The following SLC5A5 variants were observed in gnomAD, a reference collection of about 807,000 sequenced individuals.
SLC5A5 encodes the protein solute carrier family 5 member 5.
A neutral mutation model predicts 68.6 loss-of-function variants in SLC5A5; 56 were observed. The observed-to-expected ratio is 0.82, with a 90% CI of 0.66 to 1.02. SLC5A5 has a LOEUF of 1.02. SLC5A5 is among the 50% of genes least tolerant of loss of function. The pLI, the probability that SLC5A5 is intolerant of heterozygous loss-of-function variation, is 0.00. For synonymous variants in SLC5A5, 398 were observed against 373.0 expected (o/e 1.07, Z -0.77); for missense variants, 807 against 859.8 (o/e 0.94, Z 0.77).
intron 5 of SLC5A5, among the ~76,000 whole-genome samples, chr19:17,876,728 G>A (rs1038632132): frequency 1.3e-5 from 2 of 152,160 alleles, no homozygotes; most frequent in African/African-American, 4.8e-5. Context: ...TGGGCATGCT[G>A]GCAGGCGCCT....
intron 2 of SLC5A5, 71 bp from the exon 3 acceptor site, chr19:17,874,423 C>T (rs1338671630): frequency 6.9e-7 from 1 of 1,453,984 alleles, no homozygotes; most frequent in Admixed American, 1.7e-5. Context: ...GACCACCCTT[C>T]TGCCTCCTCT....
rs148592461 is a variant in SLC5A5 at position 17,894,154 on chromosome 19, T to C, written c.*277T>C. ...GTTTTTCTCTCTCTCTTTTTTTTTT[T>C]TTTTTTTTTTTGAGACAGGGTCATG... On this transcript the variant is annotated 3_prime_UTR_variant, in exon 15 of 15. Coordinates refer to ENST00000222248, the MANE Select transcript of SLC5A5 (RefSeq NM_000453.3). 71 of 336,468 alleles carry C rather than the reference T, an allele frequency of 2.1e-4. No homozygotes were observed. The highest frequency in any genetic ancestry group is 9.4e-4 in the Middle Eastern group (1 of 1,062). 20.8% of individuals were successfully genotyped at this position (336,468 alleles called of 1,614,324 possible).
intron 5 of SLC5A5, among the ~76,000 whole-genome samples, chr19:17,877,032 TAA>T (rs960991825): frequency 6.3e-5 from 9 of 142,016 alleles, no homozygotes; most frequent in South Asian, 2.2e-4. Flanking sequence ...ACTCCATCTT[TAA>T]AAAAAAAAAA....
chr19:17,884,017 C>G lies in SLC5A5; in HGVS notation c.1497C>G (p.Leu499=), dbSNP rs935186193. 2.5e-6 allele frequency: 4 copies of G among 1,572,642 alleles called. No homozygotes were observed. The highest frequency in any genetic ancestry group is 2.6e-6 in the Non-Finnish European group (3 of 1,161,278). The part of the protein sequence containing the change: ...NASGLLDPAL[L]PANDSSRAPS... Reference sequence around the variant, plus strand: ...CTGGCCTCCTGGACCCGGCTCTCCTCCCTGCTAACGACTCCAGCAGGGCCC... The same window carrying G: ...CTGGCCTCCTGGACCCGGCTCTCCTGCCTGCTAACGACTCCAGCAGGGCCC... The change falls in exon 12 of 15, where the codon CTC becomes CTG. Residue 499 remains leucine, a synonymous_variant. Coordinates refer to ENST00000222248, the MANE Select transcript of SLC5A5 (RefSeq NM_000453.3).
chr19:17,890,999 A>G lies in SLC5A5; in HGVS notation c.1765A>G (p.Lys589Glu). 1 of 1,602,552 alleles carries G rather than the reference A, an allele frequency of 6.2e-7. No homozygotes were observed. Among genetic ancestry groups the G allele is most frequent in the Non-Finnish European group, 8.6e-7 (1 of 1,169,398 alleles). Residue 589 changes from lysine to glutamate, a missense_variant and splice_region_variant, in exon 14 of 15, where the codon AAG becomes GAG. By Grantham distance (56) the Lys-to-Glu change is moderately conservative. Coordinates refer to ENST00000222248, the MANE Select transcript of SLC5A5 (RefSeq NM_000453.3). ...EVAILDDNLV[K>E]GPEELPTGNK... is the part of the protein sequence containing the mutation. ...GGCCATCCTGGATGACAACTTGGTCAAGGTCAGTCTTAGGCTGGGTTCCCA... is the reference window on the plus strand; with the variant it reads ...GGCCATCCTGGATGACAACTTGGTCGAGGTCAGTCTTAGGCTGGGTTCCCA...
At chr19:17,890,134 G>A (rs1197344133) in intron 13 of SLC5A5, among the ~76,000 whole-genome samples, 2 of 151,916 alleles carry the variant, frequency 1.3e-5, no homozygotes, top group Non-Finnish European at 2.9e-5. Flanking sequence ...GCAATGGTGC[G>A]ATGTTGGCTC....
intron 5 of SLC5A5, among the ~76,000 whole-genome samples, chr19:17,876,866 T>G (rs1021412078): frequency 8.8e-6 from 1 of 114,054 alleles, no homozygotes; most frequent in African/African-American, 3.3e-5. Context: ...GTCCCCCCCC[T>G]AAAAAAAAAA....
chr19:17,880,181 A>G (rs2094317321), intron 7 of SLC5A5, among the ~76,000 whole-genome samples: 1 of 149,300 alleles, frequency 6.7e-6, no homozygotes, highest in African/African-American at 2.5e-5. Flanking sequence ...GATTACAGGC[A>G]TGAGCCACTG....
At position 17,872,034 on chromosome 19, in the gene SLC5A5, G is replaced by A. The variant is rs2094295290; in HGVS notation, c.-286G>A. The A allele has an allele frequency of 1.2e-5, 6 of 481,174 alleles. No individual in the cohort carries two copies. The highest frequency in any genetic ancestry group is 7.4e-5 in the Admixed American group (2 of 27,094). 29.8% of individuals were successfully genotyped at this position (481,174 alleles called of 1,614,324 possible). A position where few individuals can be genotyped will look rare whatever the true frequency, so the allele number is the denominator to read the frequency against. On this transcript the variant is annotated 5_prime_UTR_variant, in exon 1 of 15. Coordinates refer to ENST00000222248, the MANE Select transcript of SLC5A5 (RefSeq NM_000453.3). ...CAGACAGCCGGCTGCATGGGACAGC[G>A]GAACCCAGAGTGAGAGGGGAGGTGG...
chr19:17,890,413 A>C (rs868599076), intron 13 of SLC5A5, among the ~76,000 whole-genome samples: 17 of 149,922 alleles, frequency 1.1e-4, no homozygotes, highest in South Asian at 4.2e-4. Context: ...TTGTTTTAGA[A>C]ACAGGGTCTC....
intron 14 of SLC5A5, 121 bp from the exon 15 acceptor site, chr19:17,893,592 T>A: frequency 4.2e-6 from 4 of 956,164 alleles, no homozygotes; most frequent in Non-Finnish European, 6.6e-6. Context: ...GGGGATAGTA[T>A]GCAATTCTGT....
intron 7 of SLC5A5, among the ~76,000 whole-genome samples, chr19:17,878,981 A>C (rs917413240): frequency 3.4e-5 from 5 of 149,150 alleles, no homozygotes; most frequent in Admixed American, 1.3e-4. Context: ...TCTCAAAAAA[A>C]AAAAAAACAA....
chr19:17,885,241 G>T (rs1400864051), intron 12 of SLC5A5, among the ~76,000 whole-genome samples: 1 of 151,540 alleles, frequency 6.6e-6, no homozygotes, highest in Non-Finnish European at 1.5e-5. Flanking sequence ...GAATTCCTGG[G>T]CTCAAGCGAT....
chr19:17,881,935 A>AC (rs1201280541), intron 8 of SLC5A5, 25 bp from the exon 9 acceptor site: 4 of 1,573,590 alleles, frequency 2.5e-6, no homozygotes, highest in East Asian at 2.2e-5. Flanking sequence ...TGGCCTGAGG[A>AC]CCCCCCGCTG....
intron 12 of SLC5A5, among the ~76,000 whole-genome samples, chr19:17,886,179 GAGTGAGACTCCACCAAA>G (rs2029911725): frequency 6.7e-6 from 1 of 149,756 alleles, no homozygotes; most frequent in Admixed American, 6.8e-5. Flanking sequence ...CTGGGTAACA[GAGTGAGACTCCACCAAA>G]AACAAACAAA....
In SLC5A5 at chr19:17,877,827, G is replaced by A. The variant is rs527624357; in HGVS notation, c.803G>A (p.Arg268His). The change falls in exon 6 of 15, where the codon CGC becomes CAC. Residue 268 changes from arginine (R) to histidine (H), a missense_variant. Physicochemically the swap from Arg to His is conservative, Grantham distance 29. Transcript: ENST00000222248. ...MYGVNQAQVQ[R>H]YVACRTEKQA... Reference sequence around the variant, plus strand: ...GGCGTGAACCAGGCGCAGGTGCAGCGCTACGTGGCTTGCCGCACAGAGAAG... The same window carrying A: ...GGCGTGAACCAGGCGCAGGTGCAGCACTACGTGGCTTGCCGCACAGAGAAG... 34 of 1,614,214 alleles carry A rather than the reference G, an allele frequency of 2.1e-5. No individual in the cohort carries two copies. The East Asian group carries it at 3.6e-4, about 17-fold the overall frequency.
intron 2 of SLC5A5, 62 bp downstream of exon 2, chr19:17,874,265 G>T (rs2094301279): frequency 8.1e-7 from 1 of 1,239,110 alleles, no homozygotes; most frequent in Admixed American, 1.7e-5. Context: ...TCACTAGCCC[G>T]GCCCCCACCA....
Position 17,883,765 on chromosome 19 carries a change from C to T in SLC5A5, c.1327C>T (p.Pro443Ser). The change falls in exon 11 of 15, where the codon CCG becomes TCG. Residue 443 changes from proline to serine, a missense_variant and splice_region_variant. Pro to Ser is a moderately conservative substitution (Grantham distance 74). Transcript: ENST00000222248. ...AATGTTCCTGCCGGCCTGCAACACACCGGTGAGTGGGGGCGGGGCAAGGGG... is the reference window on the plus strand; with the variant it reads ...AATGTTCCTGCCGGCCTGCAACACATCGGTGAGTGGGGGCGGGGCAAGGGG... ...LGMFLPACNTPGVLAGLGAGL... is the reference protein window; with the variant it reads ...LGMFLPACNTSGVLAGLGAGL... The T allele has an allele frequency of 6.5e-7, 1 of 1,544,382 alleles. No individual in the cohort carries two copies. The highest frequency in any genetic ancestry group is 2.4e-5 in the East Asian group (1 of 41,328).
At chr19:17,878,983 A>C (rs1263196341) in intron 7 of SLC5A5, among the ~76,000 whole-genome samples, 2 of 148,822 alleles carry the variant, frequency 1.3e-5, no homozygotes, top group African/African-American at 4.9e-5. Context: ...TCAAAAAAAA[A>C]AAAAACAAAA....
Sources: gnomAD v4.1 joint callset for allele counts (sites outside exome capture counted in the v4.1 genomes callset) on GRCh38, gnomAD v4.1.1 for gene constraint, MANE v1.5 for transcripts, NCBI Gene and HGNC (gene_info 2026-07-23, HGNC 2026-07-21) for gene names.